The following DLG1 variants were observed in gnomAD, a reference collection of about 807,000 sequenced individuals.
DLG1 encodes the protein discs large MAGUK scaffold protein 1.
In DLG1, 42 loss-of-function variants were observed where a neutral mutation model predicts 123.4. The observed-to-expected ratio is 0.34, with a 90% confidence interval of 0.27 to 0.44. DLG1 has a LOEUF of 0.44. Ranked by LOEUF, DLG1 falls within the 20% of genes least tolerant of loss-of-function variation. The probability of loss-of-function intolerance (pLI) is 1.00; values close to 1 mark genes in which losing one functional copy is unlikely to be tolerated. For missense variants in DLG1, 942 were observed against 1,082.6 expected (o/e 0.87, Z 1.82); for synonymous variants, 317 against 356.2 (o/e 0.89, Z 1.24).
At chr3:197,156,818 T>C (rs748073205) in intron 5 of DLG1, among the ~76,000 whole-genome samples, 1 of 152,146 alleles carries the variant, frequency 6.6e-6, no homozygotes, top group African/African-American at 2.4e-5. Context: ...TGAGACAGAA[T>C]TGAAGAAAGA....
intron 3 of DLG1, among the ~76,000 whole-genome samples, chr3:197,284,512 T>C (rs942841494): frequency 2.4e-4 from 37 of 152,254 alleles, no homozygotes; most frequent in African/African-American, 8.2e-4. Flanking sequence ...ATCTTCACCA[T>C]GAAAATGTAA....
chr3:197,225,455 TATCAAA>T, intron 4 of DLG1, among the ~76,000 whole-genome samples: 1 of 152,268 alleles, frequency 6.6e-6, no homozygotes, highest in Non-Finnish European at 1.5e-5. Flanking sequence ...CACAATTTAG[TATCAAA>T]ATCAAAGTCT....
At chr3:197,192,700 A>T (rs1720279963) in intron 5 of DLG1, among the ~76,000 whole-genome samples, 1 of 152,162 alleles carries the variant, frequency 6.6e-6, no homozygotes, top group African/African-American at 2.4e-5. Context: ...ATGTACATAC[A>T]TAAACATGTC....
intron 3 of DLG1, among the ~76,000 whole-genome samples, chr3:197,289,321 G>T (rs1031834282): frequency 4.1e-5 from 6 of 146,234 alleles, no homozygotes; most frequent in Non-Finnish European, 9.0e-5. Flanking sequence ...AAGGTGGGGG[G>T]TGGCGTGTAT....
At chr3:197,149,882 T>C in intron 5 of DLG1, 86 bp from the exon 6 acceptor site, 1 of 784,400 alleles carries the variant, frequency 1.3e-6, no homozygotes, top group Non-Finnish European at 2.2e-6. Context: ...AGGAAAGACT[T>C]GCTATTTCTT....
intron 5 of DLG1, among the ~76,000 whole-genome samples, chr3:197,168,789 T>C (rs896848628): frequency 7.2e-5 from 11 of 152,220 alleles, no homozygotes; most frequent in Non-Finnish European, 1.5e-4. Context: ...ATCTTGACCA[T>C]GTGACTAGCA....
intron 11 of DLG1, among the ~76,000 whole-genome samples, chr3:197,127,290 T>C (rs1022390190): frequency 6.7e-6 from 1 of 149,710 alleles, no homozygotes; most frequent in Non-Finnish European, 1.5e-5. Context: ...AGTCATGGTG[T>C]CGCAAGCCTG....
chr3:197,104,773 G>C, intron 14 of DLG1, 130 bp downstream of exon 14: 1 of 671,258 alleles, frequency 1.5e-6, no homozygotes, highest in South Asian at 1.8e-5. Context: ...ACAAATACTG[G>C]ATTAGCAAAT....
At chr3:197,165,346 A>G (rs1003787955) in intron 5 of DLG1, among the ~76,000 whole-genome samples, 8 of 152,216 alleles carry the variant, frequency 5.3e-5, no homozygotes, top group Non-Finnish European at 1.0e-4. Flanking sequence ...TTTCCTGTAG[A>G]AAGAGATTTT....
intron 4 of DLG1, among the ~76,000 whole-genome samples, chr3:197,243,416 C>T (rs962002221): frequency 1.3e-5 from 2 of 152,158 alleles, no homozygotes; most frequent in African/African-American, 2.4e-5. Context: ...TGAATTTACA[C>T]ACTTTCTTCT....
At chr3:197,152,469 G>A (rs1397449971) in intron 5 of DLG1, among the ~76,000 whole-genome samples, 1 of 144,710 alleles carries the variant, frequency 6.9e-6, no homozygotes, top group East Asian at 2.0e-4. Context: ...GTCACCCAGG[G>A]TAGGACTTTT....
intron 4 of DLG1, among the ~76,000 whole-genome samples, chr3:197,196,193 A>T (rs1722433449): frequency 7.1e-6 from 1 of 140,094 alleles, no homozygotes; most frequent in African/African-American, 2.7e-5. Flanking sequence ...AAAAAAAAAA[A>T]AAAGAATGGT....
intron 4 of DLG1, among the ~76,000 whole-genome samples, chr3:197,222,718 A>G (rs748335001): frequency 7.9e-5 from 12 of 152,090 alleles, no homozygotes; most frequent in Non-Finnish European, 4.4e-5. Context: ...ACCTTACACT[A>G]TTTCCCTGCA....
At chr3:197,067,591 C>G (rs1310553977) in intron 19 of DLG1, among the ~76,000 whole-genome samples, 2 of 123,564 alleles carry the variant, frequency 1.6e-5, no homozygotes, top group African/African-American at 6.4e-5. Flanking sequence ...GAGTTTCGCT[C>G]TTGTTGCCTA....
chr3:197,175,921 A>T (rs1430647130), intron 5 of DLG1, among the ~76,000 whole-genome samples: 1 of 152,192 alleles, frequency 6.6e-6, no homozygotes, highest in African/African-American at 2.4e-5. Context: ...GTCACTTTTC[A>T]GCACTGTTAT....
chr3:197,291,851 T>A (rs1429761485), intron 3 of DLG1, among the ~76,000 whole-genome samples: 2 of 152,220 alleles, frequency 1.3e-5, no homozygotes, highest in Non-Finnish European at 2.9e-5. Context: ...ATATTTGTAT[T>A]AGCACATAGA....
In DLG1 at chr3:197,169,552, A is replaced by T. The variant is rs554754997; in HGVS notation, c.484-19756T>A. 2.6e-5 allele frequency among the ~76,000 whole-genome samples: 4 copies of T among 152,358 alleles called. No individual in the cohort carries two copies. The South Asian group carries it at 8.3e-4, about 32-fold the overall frequency. ...TACAAGAGTTCGACTCAGGTATAAA[A>T]GAGTTGCAAGGCTATCTAAATATAT... On this transcript the variant is annotated intron_variant, in intron 5 of 24. Coordinates refer to ENST00000667157, the MANE Select transcript of DLG1 (RefSeq NM_001366207.1).
At chr3:197,243,591 C>T (rs1249799537) in intron 4 of DLG1, among the ~76,000 whole-genome samples, 1 of 152,134 alleles carries the variant, frequency 6.6e-6, no homozygotes, top group Non-Finnish European at 1.5e-5. Context: ...CCTATCATGA[C>T]ACAGACTCCA....
chr3:197,142,637 G>C, intron 7 of DLG1, 81 bp downstream of exon 7: 2 of 1,039,144 alleles, frequency 1.9e-6, no homozygotes, highest in African/African-American at 1.7e-5. Flanking sequence ...CTGTTTTTGA[G>C]AGATCTCCCT....
Sources: gnomAD v4.1 joint callset for allele counts (sites outside exome capture counted in the v4.1 genomes callset) on GRCh38, gnomAD v4.1.1 for gene constraint, MANE v1.5 for transcripts, NCBI Gene and HGNC (gene_info 2026-07-23, HGNC 2026-07-21) for gene names.